Variants in SLC24A4 observed in about 807,000 individuals in gnomAD.
SLC24A4 encodes the protein sodium/potassium/calcium exchanger 4.
In SLC24A4, 53 loss-of-function variants were observed where a neutral mutation model predicts 79.0. The ratio of observed to expected loss-of-function variants is 0.67; its 90% CI spans 0.54 to 0.84. SLC24A4 has a LOEUF of 0.84. Ranked by LOEUF, SLC24A4 falls within the 40% of genes least tolerant of loss-of-function variation. The pLI is 0.00. For synonymous variants in SLC24A4, 323 were observed against 323.8 expected (o/e 1.00, Z 0.03); for missense variants, 731 against 822.0 (o/e 0.89, Z 1.35).
chr14:92,487,875 T>C (rs1211756448), intron 14 of SLC24A4, among the ~76,000 whole-genome samples: 2 of 152,016 alleles, frequency 1.3e-5, no homozygotes, highest in African/African-American at 2.4e-5. Flanking sequence ...GGTCACGCAA[T>C]CCTTGGGTCT....
intron 13 of SLC24A4, 39 bp from the exon 14 acceptor site, chr14:92,486,626 TG>T: frequency 7.8e-7 from 1 of 1,281,782 alleles, no homozygotes; most frequent in African/African-American, 1.5e-5. Context: ...GTCCACACAC[TG>T]TTGGTTGAGA....
In SLC24A4 at chr14:92,456,491, C is replaced by G. The variant is rs1893472556; in HGVS notation, c.1138C>G (p.Pro380Ala). The G allele has an allele frequency of 6.2e-7, 1 of 1,614,184 alleles. No individual in the cohort carries two copies. Among genetic ancestry groups the G allele is most frequent in the Admixed American group, 1.7e-5 (1 of 60,026 alleles). ...CGAGAACATTGAGAACGGGAATGTT[C>G]CTGTGGAAAACCCCGAAGACCCTCA... ...RHENIENGNV[P>A]VENPEDPQQN... is the part of the protein sequence containing the mutation. Residue 380 changes from proline (P) to alanine (A), a missense_variant, in exon 12 of 17, where the codon CCT becomes GCT. Transcript: ENST00000532405.
At chr14:92,388,464 G>A (rs535817455) in intron 2 of SLC24A4, among the ~76,000 whole-genome samples, 3 of 105,440 alleles carry the variant, frequency 2.8e-5, no homozygotes, top group Non-Finnish European at 6.2e-5. Context: ...CCCAGTGGCC[G>A]ACTCTCGATC....
At chr14:92,487,142 G>A (rs186809520) in intron 14 of SLC24A4, among the ~76,000 whole-genome samples, 32 of 152,324 alleles carry the variant, frequency 2.1e-4, no homozygotes, top group African/African-American at 1.4e-4. Flanking sequence ...CAAAGCACTG[G>A]CATCCTATAC....
chr14:92,323,856 C>A lies in SLC24A4; in HGVS notation c.26C>A (p.Pro9Gln), dbSNP rs573667634. The part of the protein sequence containing the change: MALRGTLR[P>Q]LKVRRRREML... ...ATGGCGCTCCGCGGGACCCTCCGGC[C>A]GCTCAAAGTTCGCAGGAGGCGAGAG... The change falls in exon 1 of 17, where the codon CCG (proline) becomes CAG (glutamine). Residue 9 changes from proline to glutamine, a missense_variant. Physicochemically the swap from Pro to Gln is moderately conservative, Grantham distance 76 (BLOSUM62 -1). Transcript: ENST00000532405. The surrounding 1 kb of genome is among the most constrained non-coding windows in gnomAD (Gnocchi z 4.9). 9 of 1,594,742 alleles carry A rather than the reference C, an allele frequency of 5.6e-6. No individual in the cohort carries two copies. Among genetic ancestry groups the A allele is most frequent in the South Asian group, 1.1e-5 (1 of 89,360 alleles).
In SLC24A4 at chr14:92,482,683, C is replaced by A; in HGVS notation, c.1259C>A (p.Ala420Asp). Residue 420 changes from alanine (A) to aspartate (D), a missense_variant, in exon 13 of 17, where the codon GCC (alanine) becomes GAC (aspartate). Physicochemically the swap from Ala to Asp is moderately radical, Grantham distance 126. Coordinates refer to ENST00000532405, the MANE Select transcript of SLC24A4 (RefSeq NM_153646.4). ...ACTCTGCCCCTTCACCCTGCAGAGG[C>A]CAGAGGGGACAAGGTCAAGTGGGTG... The part of the protein sequence containing the change: ...DFLSPFSVPE[A>D]RGDKVKWVFT... 6.2e-7 allele frequency: 1 copy of A among 1,612,022 alleles called. No individual in the cohort carries two copies.
At chr14:92,355,875 A>G (rs900133848) in intron 2 of SLC24A4, among the ~76,000 whole-genome samples, 2 of 152,146 alleles carry the variant, frequency 1.3e-5, no homozygotes, top group Admixed American at 6.5e-5. Context: ...GCTTTCTGAC[A>G]TCGTGTGTTG....
At chr14:92,480,608 A>C (rs1032774312) in intron 12 of SLC24A4, among the ~76,000 whole-genome samples, 4 of 152,186 alleles carry the variant, frequency 2.6e-5, no homozygotes, top group East Asian at 3.9e-4. Flanking sequence ...CTTTTTTAAT[A>C]TAGGTATTTT....
chr14:92,466,061 G>A (rs892259474), intron 12 of SLC24A4, among the ~76,000 whole-genome samples: 8 of 152,206 alleles, frequency 5.3e-5, no homozygotes, highest in African/African-American at 1.7e-4. Flanking sequence ...CCTGCAGGAG[G>A]TAGGACAGTG....
chr14:92,333,121 T>C (rs948698845), intron 2 of SLC24A4, among the ~76,000 whole-genome samples: 8 of 151,988 alleles, frequency 5.3e-5, no homozygotes, highest in African/African-American at 1.9e-4. Context: ...TTGGACAGAG[T>C]CTCACCCCCT....
intron 2 of SLC24A4, among the ~76,000 whole-genome samples, chr14:92,426,762 CG>C (rs1025871186): frequency 2.0e-5 from 3 of 150,562 alleles, no homozygotes; most frequent in African/African-American, 7.3e-5. Flanking sequence ...ATTGGTGGGG[CG>C]GGGGGGAATG....
rs115695493 is a variant in SLC24A4, at chr14:92,353,584, C to T, written c.241+27606C>T. On this transcript the variant is annotated intron_variant, in intron 2 of 16. Transcript: ENST00000532405. The surrounding 1 kb of genome is among the most constrained non-coding windows in gnomAD (Gnocchi z 4.1). Reference sequence around the variant, plus strand: ...GGTGTTATCAGACCTGTTGAGTTTGCCAATCTGGAGGGTGAATCATGGTAT... The same window carrying T: ...GGTGTTATCAGACCTGTTGAGTTTGTCAATCTGGAGGGTGAATCATGGTAT... Among the ~76,000 whole-genome samples, 4 of 152,256 alleles carry T rather than the reference C, an allele frequency of 2.6e-5. No individual in the cohort carries two copies. The highest frequency in any genetic ancestry group is 9.6e-5 in the African/African-American group (4 of 41,548).
chr14:92,456,644 T>A (rs757095540), intron 12 of SLC24A4, 36 bp downstream of exon 12: 1 of 1,599,070 alleles, frequency 6.3e-7, no homozygotes, highest in South Asian at 1.1e-5. Flanking sequence ...CGGGCTACAT[T>A]TTTGGGGGCT....
chr14:92,391,521 A>G (rs4347560), intron 2 of SLC24A4, among the ~76,000 whole-genome samples: 10,538 of 152,206 alleles, frequency 0.069, 499 homozygotes, highest in Non-Finnish European at 0.096. Context: ...CCATGTGCCT[A>G]AAGTAGTGTT....
rs1566763171 is a variant in SLC24A4, at chr14:92,434,005, G to C, written c.318+17G>C. The C allele has an allele frequency of 1.2e-6, 2 of 1,610,176 alleles. No individual in the cohort carries two copies. Among genetic ancestry groups the C allele is most frequent in the Non-Finnish European group, 8.5e-7 (1 of 1,176,372 alleles). On this transcript the variant is annotated intron_variant, in intron 3 of 16. Transcript: ENST00000532405. ...ATCCTTGGTGTAAGTCGTCCTCCCA[G>C]AGTGGTCACAAAACTTCTGGCACAT...
intron 2 of SLC24A4, among the ~76,000 whole-genome samples, chr14:92,328,505 G>A (rs1283950740): frequency 6.6e-6 from 1 of 152,234 alleles, no homozygotes; most frequent in Non-Finnish European, 1.5e-5. Flanking sequence ...GCCATTTAGA[G>A]TTGCCATGAC....
intron 12 of SLC24A4, among the ~76,000 whole-genome samples, chr14:92,473,790 C>T (rs1398140916): frequency 3.3e-5 from 5 of 152,162 alleles, no homozygotes; most frequent in African/African-American, 7.2e-5. Context: ...ACATGCACGC[C>T]GAAATCGGTT....
At chr14:92,407,066 C>T (rs1461824098) in intron 2 of SLC24A4, among the ~76,000 whole-genome samples, 3 of 152,338 alleles carry the variant, frequency 2.0e-5, no homozygotes, top group South Asian at 2.1e-4. Flanking sequence ...ACATCTTGAA[C>T]ACTTTGCTCT....
chr14:92,417,295 T>G (rs1035496324), intron 2 of SLC24A4, among the ~76,000 whole-genome samples: 1 of 152,214 alleles, frequency 6.6e-6, no homozygotes, highest in Non-Finnish European at 1.5e-5. Context: ...GGCTAATGTG[T>G]GTGCTCATGT....
Sources: allele counts gnomAD v4.1 joint callset (sites outside exome capture counted in the v4.1 genomes callset), GRCh38; gene constraint gnomAD v4.1.1; non-coding constraint Gnocchi (gnomAD v3.1); transcripts MANE v1.5; gene names NCBI Gene and HGNC (gene_info 2026-07-23, HGNC 2026-07-21).